Variants in THSD4 observed in about 807,000 individuals in gnomAD.
THSD4 encodes thrombospondin type 1 domain containing 4.
Under a neutral mutation model 119.0 loss-of-function variants are expected in THSD4, and 69 were observed. That is an observed-to-expected ratio of 0.58 (90% confidence interval 0.48 to 0.71). The LOEUF is 0.71. THSD4 is among the 30% of genes least tolerant of loss of function. The probability of loss-of-function intolerance (pLI) is 0.00; values close to 1 mark genes in which losing one functional copy is unlikely to be tolerated. For synonymous variants in THSD4, 524 were observed against 540.4 expected, an observed-to-expected ratio of 0.97 and a Z score of 0.42; for missense variants, 1,393 against 1,391.1, an observed-to-expected ratio of 1.00 and a Z score of -0.02.
chr15:71,491,703 GA>G (rs11398792), intron 7 of THSD4, among the ~76,000 whole-genome samples: 5,603 of 150,348 alleles, frequency 0.037, 174 homozygotes, highest in African/African-American at 0.087. Flanking sequence ...GACTCCATCT[GA>G]AAAAAAAAAT....
chr15:71,561,915 C>A (rs1195975684), intron 7 of THSD4, among the ~76,000 whole-genome samples: 47 of 38,372 alleles, frequency 1.2e-3, no homozygotes, highest in African/African-American at 5.4e-3. Context: ...CACACACACA[C>A]ACACAAACAC....
At chr15:71,248,972 A>G (rs906413744) in intron 5 of THSD4, among the ~76,000 whole-genome samples, 12 of 152,318 alleles carry the variant, frequency 7.9e-5, no homozygotes, top group Non-Finnish European at 5.9e-5. Flanking sequence ...AGTTTCTCTT[A>G]TCATGAGCTT....
intron 3 of THSD4, among the ~76,000 whole-genome samples, chr15:71,189,649 G>A (rs1392864058): frequency 6.7e-6 from 1 of 148,240 alleles, no homozygotes; most frequent in Admixed American, 6.9e-5. Flanking sequence ...CAGTCTGGGC[G>A]ACAGAGCAAG....
At chr15:71,668,500 G>A (rs2051459306) in intron 8 of THSD4, among the ~76,000 whole-genome samples, 1 of 152,114 alleles carries the variant, frequency 6.6e-6, no homozygotes, top group East Asian at 1.9e-4. Context: ...GCTGAAAATG[G>A]GGAAAGAAGT....
At chr15:71,543,871 A>T (rs2048798112) in intron 7 of THSD4, among the ~76,000 whole-genome samples, 1 of 152,104 alleles carries the variant, frequency 6.6e-6, no homozygotes, top group South Asian at 2.1e-4. Flanking sequence ...CTACTAAAAA[A>T]TACAAAATTA....
At chr15:71,680,707 C>A (rs1377513061) in intron 8 of THSD4, among the ~76,000 whole-genome samples, 1 of 152,202 alleles carries the variant, frequency 6.6e-6, no homozygotes, top group East Asian at 1.9e-4. Context: ...GAGTTCTACT[C>A]TCAGCCACGC....
At chr15:71,407,563 T>C (rs1346433643) in intron 6 of THSD4, among the ~76,000 whole-genome samples, 1 of 151,022 alleles carries the variant, frequency 6.6e-6, no homozygotes, top group Non-Finnish European at 1.5e-5. Flanking sequence ...GCTTTACTCT[T>C]AGTAACCTAA....
chr15:71,648,999 G>T (rs1463587468), intron 7 of THSD4, among the ~76,000 whole-genome samples: 3 of 152,186 alleles, frequency 2.0e-5, no homozygotes, highest in Non-Finnish European at 2.9e-5. Flanking sequence ...TTATTAGGAA[G>T]GCTCTTAGGT....
chr15:71,349,489 G>A (rs1264252793), intron 6 of THSD4, among the ~76,000 whole-genome samples: 1 of 152,092 alleles, frequency 6.6e-6, no homozygotes. Context: ...GCCACTGGCC[G>A]TTTGCATCAC....
intron 7 of THSD4, among the ~76,000 whole-genome samples, chr15:71,450,998 C>G (rs1055354961): frequency 6.6e-6 from 1 of 152,054 alleles, no homozygotes; most frequent in Non-Finnish European, 1.5e-5. Flanking sequence ...GTCAACATGG[C>G]GAAACACCGT....
intron 7 of THSD4, 48 bp downstream of exon 7, chr15:71,411,871 A>T: frequency 4.4e-6 from 7 of 1,606,488 alleles, no homozygotes; most frequent in Non-Finnish European, 6.0e-6. Context: ...TTGATCTGTG[A>T]CTGCTGACTC....
chr15:71,111,318 T>G (rs1596202720), upstream of THSD4: 1 of 1,613,974 alleles, frequency 6.2e-7, no homozygotes, highest in Non-Finnish European at 8.5e-7. Context: ...TCCTCAGAGC[T>G]GTGGCTGCAG....
At chr15:71,297,310 C>CTTT (rs2044876072) in intron 6 of THSD4, among the ~76,000 whole-genome samples, 6 of 92,876 alleles carry the variant, frequency 6.5e-5, no homozygotes, top group Admixed American at 3.9e-4. Context: ...CTTTGCTCTC[C>CTTT]TCTTCTTTTT....
rs1366889026 is a variant in THSD4 at position 71,418,090 on chromosome 15, ACT to A, written c.1152+6268_1152+6269del. Among the ~76,000 whole-genome samples, 2 of 108,620 alleles carry A rather than the reference ACT, an allele frequency of 1.8e-5. 1 individual carries two copies. Among genetic ancestry groups the A allele is most frequent in the Non-Finnish European group, 4.1e-5 (2 of 49,242 alleles). 71.3% of individuals were successfully genotyped at this position (108,620 alleles called of 152,430 possible). ...TTTGCTGTTCCCATATAGAAATGTT[ACT>A]GTTTTTTGTATGTCGATTTTGTATT... On this transcript the variant is annotated intron_variant, in intron 7 of 17. Transcript: ENST00000261862.
At chr15:71,117,209 C>G (rs914919256) in intron 1 of THSD4, among the ~76,000 whole-genome samples, 3 of 152,152 alleles carry the variant, frequency 2.0e-5, no homozygotes, top group Admixed American at 2.0e-4. Context: ...GGCGGGGCAC[C>G]AGCTTGGCAT....
rs1015853217 is a variant in THSD4, at chr15:71,115,892, C to G, written c.-80+194C>G. 2.0e-5 allele frequency among the ~76,000 whole-genome samples: 3 copies of G among 152,008 alleles called. No homozygotes were observed. The highest frequency in any genetic ancestry group is 6.5e-5 in the Admixed American group (1 of 15,274). ...GGAGCCAGCGCGCGCCTGGTCCGTG[C>G]GGACGGCTGCGCCTCCTTCTCTGGT... is the stretch of plus-strand genomic sequence containing the variant. On this transcript the variant is annotated intron_variant, in intron 1 of 17. Transcript: ENST00000261862. The surrounding 1 kb of genome is among the most constrained non-coding windows in gnomAD (Gnocchi z 4.4).
chr15:71,692,289 C>T (rs1414227618), intron 8 of THSD4, among the ~76,000 whole-genome samples: 2 of 152,204 alleles, frequency 1.3e-5, no homozygotes, highest in Admixed American at 1.3e-4. Context: ...TCAAGAATTA[C>T]ATAGCTTATG....
chr15:71,477,667 T>G (rs2047672852), intron 7 of THSD4, among the ~76,000 whole-genome samples: 1 of 152,162 alleles, frequency 6.6e-6, no homozygotes, highest in South Asian at 2.1e-4. Context: ...CTTCTCCCAT[T>G]GTTTCAGCCT....
intron 6 of THSD4, among the ~76,000 whole-genome samples, chr15:71,307,020 T>G (rs1178392451): frequency 1.3e-5 from 2 of 152,230 alleles, no homozygotes; most frequent in African/African-American, 4.8e-5. Flanking sequence ...CAGGTCTTGC[T>G]CTGCAGTCCT....
Sources: gnomAD v4.1 joint callset for allele counts (sites outside exome capture counted in the v4.1 genomes callset) on GRCh38, gnomAD v4.1.1 for gene constraint, Gnocchi (gnomAD v3.1) non-coding constraint, MANE v1.5 for transcripts, NCBI Gene and HGNC (gene_info 2026-07-23, HGNC 2026-07-21) for gene names.